NT5M: variants seen among roughly 807,000 people sequenced by gnomAD.
NT5M encodes the protein 5'(3')-deoxyribonucleotidase, mitochondrial.
In NT5M, 22 loss-of-function variants were observed where a neutral mutation model predicts 22.2. That is an observed-to-expected ratio of 0.99 (90% CI 0.71 to 1.41). The LOEUF is 1.41. NT5M is among the 40% of genes most tolerant of loss of function. The pLI is 0.00. For missense variants in NT5M, 322 were observed against 314.8 expected, an observed-to-expected ratio of 1.02 and a Z score of -0.17; for synonymous variants, 167 against 133.0, an observed-to-expected ratio of 1.26 and a Z score of -1.76.
At chr17:17,307,868 A>C (rs2145317487) in intron 2 of NT5M, among the ~76,000 whole-genome samples, 1 of 152,024 alleles carries the variant, frequency 6.6e-6, no homozygotes, top group South Asian at 2.1e-4. Flanking sequence ...CAAAAAAAAA[A>C]AGAAACCCTG....
chr17:17,325,557 A>G (rs1471257915), intron 3 of NT5M, among the ~76,000 whole-genome samples: 1 of 152,158 alleles, frequency 6.6e-6, no homozygotes, highest in Non-Finnish European at 1.5e-5. Flanking sequence ...TACTGCCAGT[A>G]CAGCTGACAG....
At position 17,315,917 on chromosome 17, in the gene NT5M, A is replaced by G. The variant is rs188753038; in HGVS notation, c.369-7268A>G. ...CAGGCATCTGCCACCACGCCCGGCT[A>G]ATTTTTTTTTGTATTTTTTAGTAGA... On this transcript the variant is annotated intron_variant, in intron 2 of 4. Coordinates refer to ENST00000389022, the MANE Select transcript of NT5M (RefSeq NM_020201.4). Among the ~76,000 whole-genome samples the G allele has an allele frequency of 4.0e-5, 6 of 151,146 alleles. No individual in the cohort carries two copies. In the East Asian group the frequency reaches 1.2e-3, roughly 30 times the overall value.
At chr17:17,343,037 A>G (rs2049678731) in intron 3 of NT5M, among the ~76,000 whole-genome samples, 1 of 152,190 alleles carries the variant, frequency 6.6e-6, no homozygotes, top group Non-Finnish European at 1.5e-5. Context: ...TGAAAACATT[A>G]GCCCCAGGCT....
rs139716657 is a variant in NT5M at position 17,347,035 on chromosome 17, G to T, written c.*88G>T. The T allele has an allele frequency of 3.7e-3, 5,639 of 1,510,744 alleles. 22 individuals carry two copies. Among genetic ancestry groups the T allele is most frequent in the Middle Eastern group, 7.8e-3 (35 of 4,470 alleles). 93.6% of individuals were successfully genotyped at this position (1,510,744 alleles called of 1,614,324 possible). On this transcript the variant is annotated 3_prime_UTR_variant, in exon 5 of 5. Coordinates refer to ENST00000389022, the MANE Select transcript of NT5M (RefSeq NM_020201.4). ...GTGGGGCCAGTATGCTGGTCTGGGA[G>T]TCCCTCCTAGACTCCTGGGCCCCAT...
rs2049777834 is a variant in NT5M at position 17,347,128 on chromosome 17, C to G, written c.*181C>G. 4 of 762,956 alleles carry G rather than the reference C, an allele frequency of 5.2e-6. No individual in the cohort carries two copies. Among genetic ancestry groups the G allele is most frequent in the Non-Finnish European group, 6.1e-6 (3 of 488,890 alleles). The allele number at this position is 762,956 out of a possible 1,614,324, so 47.3% of individuals were successfully genotyped here. On this transcript the variant is annotated 3_prime_UTR_variant, in exon 5 of 5. Coordinates refer to ENST00000389022, the MANE Select transcript of NT5M (RefSeq NM_020201.4). ...GCCTTAACCTGATCACGGGGCAGGGCTGGGCCCTCTGGGCGCTTGGACATA... is the reference window on the plus strand; with the variant it reads ...GCCTTAACCTGATCACGGGGCAGGGGTGGGCCCTCTGGGCGCTTGGACATA...
At chr17:17,305,027 GC>G (rs772582326) in intron 1 of NT5M, among the ~76,000 whole-genome samples, 1 of 152,084 alleles carries the variant, frequency 6.6e-6, no homozygotes, top group Non-Finnish European at 1.5e-5. Flanking sequence ...TGGAGAAAAT[GC>G]CCTGGTACTT....
intron 1 of NT5M, among the ~76,000 whole-genome samples, chr17:17,304,108 C>A (rs540424593): frequency 6.0e-4 from 91 of 152,318 alleles, no homozygotes; most frequent in African/African-American, 2.1e-3. Context: ...TATTTGGCCT[C>A]AAGTCGTTTG....
chr17:17,304,001 C>G (rs2048739075), intron 1 of NT5M, 184 bp downstream of exon 1: 4 of 1,238,216 alleles, frequency 3.2e-6, no homozygotes, highest in East Asian at 3.2e-5. Flanking sequence ...CGCTCAGGAT[C>G]TGTTGGCTGC....
At chr17:17,318,674 C>T (rs1442365478) in intron 2 of NT5M, among the ~76,000 whole-genome samples, 1 of 149,718 alleles carries the variant, frequency 6.7e-6, no homozygotes, top group African/African-American at 2.5e-5. Context: ...AATCCCAGCT[C>T]CTCGGAAGGC....
rs941006999 is a variant in NT5M, at chr17:17,303,398, C to T, written c.-153C>T. 5.4e-6 allele frequency: 5 copies of T among 920,170 alleles called. No individual in the cohort carries two copies. Among genetic ancestry groups the T allele is most frequent in the African/African-American group, 1.8e-5 (1 of 55,888 alleles). 57.0% of individuals were successfully genotyped at this position (920,170 alleles called of 1,614,324 possible). A position where few individuals can be genotyped will look rare whatever the true frequency, so the allele number is the denominator to read the frequency against. On this transcript the variant is annotated 5_prime_UTR_variant, in exon 1 of 5. Transcript: ENST00000389022. Reference sequence around the variant, plus strand: ...GCTCTGGGGCCGGTACTTGCGCGCCCGCACCCCGCGCTCCCCGCCCCGCTC... The same window carrying T: ...GCTCTGGGGCCGGTACTTGCGCGCCTGCACCCCGCGCTCCCCGCCCCGCTC...
chr17:17,344,296 G>A (rs1374354672), intron 3 of NT5M, among the ~76,000 whole-genome samples: 1 of 152,214 alleles, frequency 6.6e-6, no homozygotes, highest in African/African-American at 2.4e-5. Flanking sequence ...CAGGTGTTAT[G>A]TAACCATTGT....
chr17:17,336,000 CTT>C (rs1167144502), intron 3 of NT5M, among the ~76,000 whole-genome samples: 14 of 98,908 alleles, frequency 1.4e-4, no homozygotes, highest in Admixed American at 3.5e-4. Flanking sequence ...CTTATTCATT[CTT>C]TTTTTTTTTT....
In NT5M at chr17:17,345,255, G is replaced by A. The variant is rs374742203; in HGVS notation, c.544+347G>A. ...ACAAAACCCATTTTTTCCCCCAAAA[G>A]CAATGTGGACTGATGCAATGAATGA... On this transcript the variant is annotated intron_variant, in intron 4 of 4. Coordinates refer to ENST00000389022, the MANE Select transcript of NT5M (RefSeq NM_020201.4). The A allele has an allele frequency of 2.2e-4, 241 of 1,091,100 alleles. No individual in the cohort carries two copies. In the African/African-American group the frequency reaches 3.7e-3, roughly 17 times the overall value. 67.6% of individuals were successfully genotyped at this position (1,091,100 alleles called of 1,614,324 possible). A position where few individuals can be genotyped will look rare whatever the true frequency, so the allele number is the denominator to read the frequency against.
Position 17,303,520 on chromosome 17 carries a change from C to G in NT5M, c.-31C>G, listed in dbSNP as rs1242641239. 9.7e-7 allele frequency: 1 copy of G among 1,031,974 alleles called. No individual in the cohort carries two copies. The highest frequency in any genetic ancestry group is 9.1e-5 in the East Asian group (1 of 10,974). 63.9% of individuals were successfully genotyped at this position (1,031,974 alleles called of 1,614,324 possible). On this transcript the variant is annotated 5_prime_UTR_variant, in exon 1 of 5. Transcript: ENST00000389022. ...CGGCAGCACGGCGCGGCCCAGGTCCCCGCGCCCACGACGGGCCAGCGCGCT... is the reference window on the plus strand; with the variant it reads ...CGGCAGCACGGCGCGGCCCAGGTCCGCGCGCCCACGACGGGCCAGCGCGCT...
At chr17:17,339,564 A>G (rs1483032187) in intron 3 of NT5M, among the ~76,000 whole-genome samples, 1 of 152,172 alleles carries the variant, frequency 6.6e-6, no homozygotes, top group Admixed American at 6.5e-5. Context: ...CTTAGAGGAA[A>G]GGCTTTCAGT....
At chr17:17,305,433 T>C (rs2048779688) in intron 1 of NT5M, among the ~76,000 whole-genome samples, 1 of 115,252 alleles carries the variant, frequency 8.7e-6, no homozygotes, top group African/African-American at 3.3e-5. Flanking sequence ...GCTCCTTATG[T>C]GTATGTAGGC....
chr17:17,326,036 G>C (rs1361535045), intron 3 of NT5M, among the ~76,000 whole-genome samples: 1 of 152,174 alleles, frequency 6.6e-6, no homozygotes, highest in Non-Finnish European at 1.5e-5. Context: ...CCCAGCGCAG[G>C]GTGGCACACT....
intron 3 of NT5M, among the ~76,000 whole-genome samples, chr17:17,329,706 T>G (rs2145397581): frequency 6.6e-6 from 1 of 152,286 alleles, no homozygotes; most frequent in Middle Eastern, 3.4e-3. Context: ...CCGGGTACAG[T>G]GGCTCATGCT....
intron 2 of NT5M, among the ~76,000 whole-genome samples, chr17:17,313,950 T>A (rs1047049247): frequency 6.6e-6 from 1 of 152,178 alleles, no homozygotes; most frequent in Admixed American, 6.5e-5. Context: ...AGGGCTTCCC[T>A]GGGCAGAGCC....
Sources: gnomAD v4.1 joint callset for allele counts (sites outside exome capture counted in the v4.1 genomes callset) on GRCh38, gnomAD v4.1.1 for gene constraint, MANE v1.5 for transcripts, NCBI Gene and HGNC (gene_info 2026-07-23, HGNC 2026-07-21) for gene names.